The following TENM4 variants were observed in gnomAD, a reference collection of about 807,000 sequenced individuals.
The protein encoded by TENM4 is teneurin-4.
A neutral mutation model predicts 243.3 loss-of-function variants in TENM4; 82 were observed. That is an observed-to-expected ratio of 0.34 (90% confidence interval 0.28 to 0.40). The LOEUF is 0.40. TENM4 is among the 10% of genes least tolerant of loss of function. The probability of loss-of-function intolerance (pLI) is 1.00; values close to 1 mark genes in which losing one functional copy is unlikely to be tolerated. For missense variants in TENM4, 3,138 were observed against 3,673.3 expected, an observed-to-expected ratio of 0.85 and a Z score of 3.77; for synonymous variants, 1,412 against 1,456.3, an observed-to-expected ratio of 0.97 and a Z score of 0.69.
chr11:78,826,875 G>A (rs891557064), intron 12 of TENM4, among the ~76,000 whole-genome samples: 1 of 152,162 alleles, frequency 6.6e-6, no homozygotes, highest in Non-Finnish European at 1.5e-5. Context: ...TTTAGGGCAG[G>A]CCCAGACCCT....
Position 79,319,236 on chromosome 11 carries a change from C to T in TENM4, c.-320-21693G>A, listed in dbSNP as rs544797199. Among the ~76,000 whole-genome samples, 10 of 152,302 alleles carry T rather than the reference C, an allele frequency of 6.6e-5. No homozygotes were observed. The South Asian group carries it at 1.2e-3, about 19-fold the overall frequency. On this transcript the variant is annotated intron_variant, in intron 1 of 33. Coordinates refer to ENST00000278550, the MANE Select transcript of TENM4 (RefSeq NM_001098816.3). Reference sequence around the variant, plus strand: ...CTTTTCCTTAAACCAGGACATTACACTTATATAATAAGAAATGCAGTATAG... The same window carrying T: ...CTTTTCCTTAAACCAGGACATTACATTTATATAATAAGAAATGCAGTATAG...
chr11:78,959,450 C>A (rs747686783), intron 6 of TENM4, among the ~76,000 whole-genome samples: 1 of 152,144 alleles, frequency 6.6e-6, no homozygotes, highest in African/African-American at 2.4e-5. Context: ...GCTGAGTCCA[C>A]ACCAGTACCA....
At position 78,668,912 on chromosome 11, in the gene TENM4, C is replaced by T. The variant is rs776763750; in HGVS notation, c.7408+25G>A. ...AGTAAGAGCACTTTATGGGGTCCTGCCCCTGAGTGAGCCGTGGTCCTTACC... is the reference window on the plus strand; with the variant it reads ...AGTAAGAGCACTTTATGGGGTCCTGTCCCTGAGTGAGCCGTGGTCCTTACC... On this transcript the variant is annotated intron_variant, in intron 32 of 33. Transcript: ENST00000278550. 7.5e-6 allele frequency: 12 copies of T among 1,598,048 alleles called. No homozygotes were observed. In the East Asian group the frequency reaches 2.5e-4, roughly 33 times the overall value.
chr11:78,963,099 A>T (rs935697735), intron 6 of TENM4, among the ~76,000 whole-genome samples: 4 of 152,254 alleles, frequency 2.6e-5, no homozygotes, highest in African/African-American at 9.6e-5. Context: ...TGACTAGCTT[A>T]ATTCTAGGGG....
chr11:78,692,537 A>G (rs1425263587), intron 28 of TENM4, among the ~76,000 whole-genome samples: 1 of 152,142 alleles, frequency 6.6e-6, no homozygotes, highest in African/African-American at 2.4e-5. Context: ...GGACCCCAGG[A>G]GATTGCCCTC....
At position 79,251,002 on chromosome 11, in the gene TENM4, A is replaced by G. The variant is rs184041651; in HGVS notation, c.-264-35093T>C. ...ATGGATCTCTCTTCCCACCAAAACTATATAGAAATGTGGTTCAAAATGAAT... is the reference window on the plus strand; with the variant it reads ...ATGGATCTCTCTTCCCACCAAAACTGTATAGAAATGTGGTTCAAAATGAAT... On this transcript the variant is annotated intron_variant, in intron 2 of 33. Coordinates refer to ENST00000278550, the MANE Select transcript of TENM4 (RefSeq NM_001098816.3). Among the ~76,000 whole-genome samples the G allele has an allele frequency of 1.2e-3, 179 of 152,342 alleles. 4 individuals carry two copies. In the South Asian group the frequency reaches 0.022, roughly 19 times the overall value.
intron 4 of TENM4, among the ~76,000 whole-genome samples, chr11:79,085,169 G>A (rs978708277): frequency 4.6e-5 from 7 of 151,878 alleles, no homozygotes; most frequent in African/African-American, 1.7e-4. Flanking sequence ...TCAGGAGATC[G>A]AGACCATCCT....
At chr11:78,920,905 G>C (rs935720820) in intron 6 of TENM4, among the ~76,000 whole-genome samples, 1 of 152,180 alleles carries the variant, frequency 6.6e-6, no homozygotes, top group African/African-American at 2.4e-5. Context: ...TTCCTCGTAA[G>C]TACATGCTGA....
intron 3 of TENM4, among the ~76,000 whole-genome samples, chr11:79,202,435 A>G (rs1169764072): frequency 6.6e-6 from 1 of 152,216 alleles, no homozygotes; most frequent in African/African-American, 2.4e-5. Context: ...TTGTTGCAAA[A>G]ATGGTGGCAT....
At chr11:79,105,116 G>A (rs373694303) in intron 4 of TENM4, among the ~76,000 whole-genome samples, 1 of 152,176 alleles carries the variant, frequency 6.6e-6, no homozygotes, top group East Asian at 1.9e-4. Context: ...ACAGGTGTGA[G>A]CCACCAACGA....
intron 14 of TENM4, among the ~76,000 whole-genome samples, chr11:78,808,883 A>G (rs1857440808): frequency 6.6e-6 from 1 of 152,208 alleles, no homozygotes. Flanking sequence ...GAACCTCAGA[A>G]GGATTATTCT....
intron 3 of TENM4, among the ~76,000 whole-genome samples, chr11:79,178,681 G>T (rs1031379768): frequency 4.6e-5 from 7 of 152,164 alleles, no homozygotes; most frequent in African/African-American, 1.7e-4. Flanking sequence ...AGGATAGCGG[G>T]GAGAAAGGTT....
chr11:79,005,672 T>C (rs563873268), intron 6 of TENM4, among the ~76,000 whole-genome samples: 4 of 152,076 alleles, frequency 2.6e-5, no homozygotes, highest in African/African-American at 7.2e-5. Context: ...GCATTTCCCC[T>C]GAGAGCAAGA....
intron 3 of TENM4, among the ~76,000 whole-genome samples, chr11:79,161,856 A>C (rs1350744178): frequency 6.6e-6 from 1 of 152,176 alleles, no homozygotes; most frequent in Non-Finnish European, 1.5e-5. Flanking sequence ...CTAACTCTGC[A>C]CCAGAAAATG....
chr11:78,814,476 G>A lies in TENM4; in HGVS notation c.1682-81C>T, dbSNP rs77503912. On this transcript the variant is annotated intron_variant, in intron 12 of 33. Transcript: ENST00000278550. ...AGCCCAGGAATCAAGCTTTAGGTTA[G>A]CCAAGACCCACATATTTGAGCTCTT... is the stretch of plus-strand genomic sequence containing the variant. 3.6e-3 allele frequency: 4,387 copies of A among 1,204,298 alleles called. 145 individuals carry two copies. In the African/African-American group the frequency reaches 0.061, roughly 17 times the overall value. The allele number at this position is 1,204,298 out of a possible 1,614,324, so 74.6% of individuals were successfully genotyped here.
intron 1 of TENM4, among the ~76,000 whole-genome samples, chr11:79,405,205 C>T (rs1201030488): frequency 1.3e-5 from 2 of 151,986 alleles, no homozygotes; most frequent in African/African-American, 2.4e-5. Flanking sequence ...TATTATTATG[C>T]AGGTACTATT....
intron 9 of TENM4, among the ~76,000 whole-genome samples, chr11:78,866,900 G>A (rs1438356707): frequency 2.6e-5 from 4 of 152,312 alleles, no homozygotes; most frequent in Admixed American, 2.6e-4. Context: ...GGAGTAGGAT[G>A]AAGCAGAGAT....
intron 1 of TENM4, among the ~76,000 whole-genome samples, chr11:79,427,414 T>C (rs1462877324): frequency 6.6e-6 from 1 of 152,206 alleles, no homozygotes; most frequent in Admixed American, 6.5e-5. Context: ...GAGGGAATAC[T>C]ACATAGCTAT....
At chr11:78,872,866 C>T (rs1304080039) in intron 9 of TENM4, among the ~76,000 whole-genome samples, 2 of 152,076 alleles carry the variant, frequency 1.3e-5, no homozygotes, top group Non-Finnish European at 2.9e-5. Flanking sequence ...AGGAGGTGGT[C>T]CCCACTGTAC....
Sources: allele counts gnomAD v4.1 joint callset (sites outside exome capture counted in the v4.1 genomes callset), GRCh38; gene constraint gnomAD v4.1.1; transcripts MANE v1.5; gene names NCBI Gene and HGNC (gene_info 2026-07-23, HGNC 2026-07-21).